Variants in XPR1 observed in about 807,000 individuals in gnomAD.
XPR1 encodes the protein solute carrier family 53 member 1.
XPR1 carries 28 observed loss-of-function variants against 87.5 expected under a neutral mutation model. That is an observed-to-expected ratio of 0.32 (90% confidence interval 0.24 to 0.44). XPR1 has a LOEUF of 0.44. XPR1 is among the 20% of genes least tolerant of loss of function. XPR1 has a pLI of 1.00. For missense variants in XPR1, 559 were observed against 862.3 expected (o/e 0.65, Z 4.41); for synonymous variants, 300 against 306.1 (o/e 0.98, Z 0.21).
In XPR1 at chr1:180,885,091, C is replaced by T. The variant is rs1275869726; in HGVS notation, c.*1025C>T. 6.6e-6 allele frequency: 1 copy of T among 152,554 alleles called. No homozygotes were observed. Among genetic ancestry groups the T allele is most frequent in the Non-Finnish European group, 1.5e-5 (1 of 68,004 alleles). The allele number at this position is 152,554 out of a possible 1,614,324, so 9.5% of individuals were successfully genotyped here. Reference sequence around the variant, plus strand: ...TATTATGCATCCACATGTATGGTCCCTGTAGCGTGACCTTTACTAGCTCTG... The same window carrying T: ...TATTATGCATCCACATGTATGGTCCTTGTAGCGTGACCTTTACTAGCTCTG... On this transcript the variant is annotated 3_prime_UTR_variant, in exon 15 of 15. Coordinates refer to ENST00000367590, the MANE Select transcript of XPR1 (RefSeq NM_004736.4).
chr1:180,844,778 A>G (rs1651623321), intron 11 of XPR1, among the ~76,000 whole-genome samples: 1 of 152,158 alleles, frequency 6.6e-6, no homozygotes, highest in Admixed American at 6.5e-5. Context: ...GCTTCAATTG[A>G]AAGAGCAGCC....
intron 2 of XPR1, among the ~76,000 whole-genome samples, chr1:180,683,342 C>A (rs1656650448): frequency 6.6e-6 from 1 of 151,604 alleles, no homozygotes. Flanking sequence ...ATCTGTGCCA[C>A]ATTTTCTTAA....
intron 1 of XPR1, among the ~76,000 whole-genome samples, chr1:180,680,357 CTTTTTTTTTTTT>C (rs369905770): frequency 1.2e-5 from 1 of 83,380 alleles, no homozygotes; most frequent in Non-Finnish European, 2.1e-5. Flanking sequence ...CAAATAGAAC[CTTTTTTTTTTTT>C]TTTTTTTTTT....
At chr1:180,802,579 T>A (rs1649828181) in intron 3 of XPR1, among the ~76,000 whole-genome samples, 1 of 152,198 alleles carries the variant, frequency 6.6e-6, no homozygotes, top group Non-Finnish European at 1.5e-5. Flanking sequence ...TGTAATTCCA[T>A]GGTTTTTAGT....
At chr1:180,726,618 C>T (rs1658359116) in intron 2 of XPR1, among the ~76,000 whole-genome samples, 1 of 152,092 alleles carries the variant, frequency 6.6e-6, no homozygotes, top group African/African-American at 2.4e-5. Flanking sequence ...CTTTATTTGC[C>T]TTTTTCACTC....
At chr1:180,638,672 A>G (rs1654864622) in intron 1 of XPR1, among the ~76,000 whole-genome samples, 1 of 151,814 alleles carries the variant, frequency 6.6e-6, no homozygotes. Flanking sequence ...AAACACACAC[A>G]CCCCAAATTT....
At chr1:180,749,785 A>T (rs1647451337) in intron 2 of XPR1, among the ~76,000 whole-genome samples, 1 of 152,120 alleles carries the variant, frequency 6.6e-6, no homozygotes, top group Non-Finnish European at 1.5e-5. Context: ...TTTCAAACAT[A>T]ATCAAAATGT....
intron 7 of XPR1, among the ~76,000 whole-genome samples, chr1:180,814,154 G>A (rs1650321249): frequency 6.6e-6 from 1 of 152,124 alleles, no homozygotes; most frequent in Non-Finnish European, 1.5e-5. Flanking sequence ...ATTATGAAAT[G>A]ATAACCTACA....
chr1:180,862,754 G>A (rs1472723188), intron 11 of XPR1, among the ~76,000 whole-genome samples: 1 of 151,922 alleles, frequency 6.6e-6, no homozygotes, highest in Non-Finnish European at 1.5e-5. Flanking sequence ...AATTATGAAC[G>A]ATGCATGATA....
intron 11 of XPR1, among the ~76,000 whole-genome samples, chr1:180,849,343 T>TA (rs1651793304): frequency 6.6e-6 from 1 of 152,238 alleles, no homozygotes; most frequent in South Asian, 2.1e-4. Flanking sequence ...TTCCTTTTTT[T>TA]AACTCTAAAA....
Position 180,773,954 on chromosome 1 carries a change from T to A in XPR1, c.122-13799T>A, listed in dbSNP as rs984679445. ...CTATTTAAATATATAATCACTAAACTTTTTTTAAAAATTGCATTTTCATAG... is the reference window on the plus strand; with the variant it reads ...CTATTTAAATATATAATCACTAAACATTTTTTAAAAATTGCATTTTCATAG... On this transcript the variant is annotated intron_variant, in intron 2 of 14. Transcript: ENST00000367590. Among the ~76,000 whole-genome samples, 22 of 152,214 alleles carry A rather than the reference T, an allele frequency of 1.4e-4. 1 individual carries two copies. The highest frequency in any genetic ancestry group is 4.4e-5 in the Non-Finnish European group (3 of 68,032).
At chr1:180,637,422 A>G (rs1378189854) in intron 1 of XPR1, among the ~76,000 whole-genome samples, 1 of 152,272 alleles carries the variant, frequency 6.6e-6, no homozygotes, top group Non-Finnish European at 1.5e-5. Context: ...GTGAACAACA[A>G]GAAAATGACA....
chr1:180,797,028 G>T (rs995700163), intron 3 of XPR1, among the ~76,000 whole-genome samples: 1 of 152,110 alleles, frequency 6.6e-6, no homozygotes, highest in African/African-American at 2.4e-5. Flanking sequence ...GGGATTGACA[G>T]CTAATGGCCA....
Position 180,825,288 on chromosome 1 carries a change from A to G in XPR1, c.1078A>G (p.Ile360Val), listed in dbSNP as rs761320503. 1.2e-6 allele frequency: 2 copies of G among 1,613,924 alleles called. No individual in the cohort carries two copies. Among genetic ancestry groups the G allele is most frequent in the Non-Finnish European group, 1.7e-6 (2 of 1,179,968 alleles). The change falls in exon 9 of 15, where the codon ATC (isoleucine) becomes GTC (valine). Residue 360 changes from isoleucine to valine, a missense_variant. This residue lies in a region of XPR1 where 264 missense variants were observed against 377.2 expected (regional missense o/e 0.70). Coordinates refer to ENST00000367590, the MANE Select transcript of XPR1 (RefSeq NM_004736.4). ...TTATGGATTTATGGTTTTCTTCCTT[A>G]TCAACCCCACCAAAACTTTCTACTA... ...ALYGFMVFFL[I>V]NPTKTFYYKS...
chr1:180,761,457 GA>G (rs1648028814), intron 2 of XPR1, among the ~76,000 whole-genome samples: 4 of 152,196 alleles, frequency 2.6e-5, no homozygotes, highest in Admixed American at 6.5e-5. Context: ...AAAAGTGGGC[GA>G]AGGATATGAA....
At chr1:180,676,342 C>T (rs1656369300) in intron 1 of XPR1, among the ~76,000 whole-genome samples, 1 of 152,106 alleles carries the variant, frequency 6.6e-6, no homozygotes, top group South Asian at 2.1e-4. Context: ...CCTACTATAC[C>T]CAAGAAGTGG....
chr1:180,714,274 A>G (rs1184498043), intron 2 of XPR1, among the ~76,000 whole-genome samples: 1 of 151,250 alleles, frequency 6.6e-6, no homozygotes, highest in Admixed American at 6.6e-5. Flanking sequence ...CATCATCATT[A>G]TCAGTCTGGT....
intron 11 of XPR1, among the ~76,000 whole-genome samples, chr1:180,856,107 G>C (rs7516646): frequency 6.6e-6 from 1 of 151,784 alleles, no homozygotes; most frequent in Non-Finnish European, 1.5e-5. Flanking sequence ...TCTCTATCCT[G>C]CATCTCAAAA....
chr1:180,693,456 A>C (rs1657057971), intron 2 of XPR1, among the ~76,000 whole-genome samples: 1 of 152,214 alleles, frequency 6.6e-6, no homozygotes, highest in Non-Finnish European at 1.5e-5. Context: ...CAGTTATCTG[A>C]GGCAGTATGA....
Sources: allele counts gnomAD v4.1 joint callset (sites outside exome capture counted in the v4.1 genomes callset), GRCh38; gene constraint gnomAD v4.1.1; regional missense constraint gnomAD v4.1.1; transcripts MANE v1.5; gene names NCBI Gene and HGNC (gene_info 2026-07-23, HGNC 2026-07-21).